Variants in SLC14A2 observed in about 807,000 individuals in gnomAD.
The protein encoded by SLC14A2 is solute carrier family 14 member 2, also known as urea transporter 2.
In SLC14A2, 91 loss-of-function variants were observed where a neutral mutation model predicts 104.6. The observed-to-expected ratio is 0.87, with a 90% CI of 0.73 to 1.04. The LOEUF (loss-of-function observed/expected upper bound fraction) is 1.04, where lower values mean the gene tolerates loss of function less well. Ranked by LOEUF, SLC14A2 falls within the 50% of genes least tolerant of loss-of-function variation. SLC14A2 has a pLI of 0.00. For missense variants in SLC14A2, 1,189 were observed against 1,156.0 expected, an observed-to-expected ratio of 1.03 and a Z score of -0.41; for synonymous variants, 476 against 466.4, an observed-to-expected ratio of 1.02 and a Z score of -0.27.
intron 2 of SLC14A2, among the ~76,000 whole-genome samples, chr18:45,576,678 C>T (rs967410187): frequency 2.0e-5 from 3 of 152,068 alleles, no homozygotes; most frequent in African/African-American, 7.2e-5. Context: ...TGTGGTCTCT[C>T]CATGTGGTCC....
chr18:45,556,046 G>A (rs539095825), intron 2 of SLC14A2, among the ~76,000 whole-genome samples: 6 of 152,238 alleles, frequency 3.9e-5, no homozygotes, highest in South Asian at 2.1e-4. Context: ...GTCCAAAATC[G>A]GGGTGCCAGC....
At chr18:45,445,807 C>G (rs955528570) in intron 1 of SLC14A2, among the ~76,000 whole-genome samples, 1 of 152,174 alleles carries the variant, frequency 6.6e-6, no homozygotes, top group Non-Finnish European at 1.5e-5. Context: ...AATATTATCC[C>G]ACTAACCTGT....
At chr18:45,477,522 TCTG>T (rs1232012666) in intron 1 of SLC14A2, among the ~76,000 whole-genome samples, 4 of 152,266 alleles carry the variant, frequency 2.6e-5, no homozygotes, top group South Asian at 4.1e-4. Flanking sequence ...TGCTGGGAGA[TCTG>T]CTGATCTCTT....
At chr18:45,266,570 C>A (rs947051129) in intron 1 of SLC14A2, among the ~76,000 whole-genome samples, 3 of 151,960 alleles carry the variant, frequency 2.0e-5, no homozygotes, top group African/African-American at 7.3e-5. Context: ...AACCTAAACT[C>A]CCTTAAAAAA....
At chr18:45,193,115 T>G in the SLC14A2 span, among the ~76,000 whole-genome samples, 2 of 152,242 alleles carry the variant, frequency 1.3e-5, no homozygotes, top group Non-Finnish European at 2.9e-5. Context: ...TTTTGAGAAT[T>G]CTTTATATAT....
chr18:45,237,173 C>T (rs1243087536), intron 1 of SLC14A2, among the ~76,000 whole-genome samples: 2 of 152,168 alleles, frequency 1.3e-5, no homozygotes, highest in Non-Finnish European at 2.9e-5. Context: ...GGCAGCTCAA[C>T]TGGGGCTCGC....
chr18:45,298,764 G>C (rs2144185193), intron 1 of SLC14A2, among the ~76,000 whole-genome samples: 1 of 152,300 alleles, frequency 6.6e-6, no homozygotes, highest in South Asian at 2.1e-4. Context: ...GATTCTCTGG[G>C]AGAGAAGGAA....
chr18:45,279,066 GCTGGCCCAGGGC>G (rs2084734293), intron 1 of SLC14A2, among the ~76,000 whole-genome samples: 1 of 152,186 alleles, frequency 6.6e-6, no homozygotes, highest in Non-Finnish European at 1.5e-5. Context: ...GCCCAGGCAT[GCTGGCCCAGGGC>G]CTGGTTCTGA....
chr18:45,681,512 C>G (rs946860819), intron 19 of SLC14A2, among the ~76,000 whole-genome samples: 4 of 152,162 alleles, frequency 2.6e-5, no homozygotes, highest in Non-Finnish European at 5.9e-5. Context: ...ACTAAAAAGC[C>G]TTAGAGCATC....
At chr18:45,463,831 G>A (rs755068896) in intron 1 of SLC14A2, among the ~76,000 whole-genome samples, 1 of 152,172 alleles carries the variant, frequency 6.6e-6, no homozygotes, top group Non-Finnish European at 1.5e-5. Flanking sequence ...CAAAAGGCTC[G>A]TTGAACATGA....
intron 1 of SLC14A2, among the ~76,000 whole-genome samples, chr18:45,293,513 TC>T (rs1387308501): frequency 1.3e-5 from 2 of 150,818 alleles, no homozygotes; most frequent in East Asian, 1.9e-4. Context: ...TCAGGCAAGG[TC>T]CCCCCGAGAA....
chr18:45,341,476 A>G (rs941634323), intron 1 of SLC14A2, among the ~76,000 whole-genome samples: 5 of 152,168 alleles, frequency 3.3e-5, no homozygotes, highest in Admixed American at 2.6e-4. Flanking sequence ...TCCTATAAAC[A>G]AATGTCTCTT....
the SLC14A2 span, among the ~76,000 whole-genome samples, chr18:45,190,777 A>G: frequency 6.6e-6 from 1 of 152,198 alleles, no homozygotes; most frequent in Non-Finnish European, 1.5e-5. Flanking sequence ...TGATCAACCA[A>G]AAATGAAGGT....
chr18:45,199,605 A>G, the SLC14A2 span, among the ~76,000 whole-genome samples: 1 of 151,968 alleles, frequency 6.6e-6, no homozygotes. Context: ...CATTATTTCT[A>G]TTTCCTTGAA....
intron 1 of SLC14A2, among the ~76,000 whole-genome samples, chr18:45,340,327 G>A (rs549941842): frequency 6.6e-6 from 1 of 152,298 alleles, no homozygotes; most frequent in South Asian, 2.1e-4. Flanking sequence ...TGCTGATGGA[G>A]GGCTTTTCTC....
At chr18:45,411,035 A>G (rs1332168883) in intron 1 of SLC14A2, among the ~76,000 whole-genome samples, 1 of 152,248 alleles carries the variant, frequency 6.6e-6, no homozygotes, top group Admixed American at 6.5e-5. Context: ...AAACACACAT[A>G]AAGCAAGATT....
intron 18 of SLC14A2, among the ~76,000 whole-genome samples, chr18:45,676,675 C>A (rs2046234631): frequency 1.3e-5 from 2 of 152,118 alleles, no homozygotes. Context: ...GGACGGCACC[C>A]CCAGAATAAG....
the SLC14A2 span, among the ~76,000 whole-genome samples, chr18:45,192,781 C>T: frequency 2.0e-5 from 3 of 151,936 alleles, no homozygotes; most frequent in South Asian, 4.2e-4. Context: ...CTCAGCCTCC[C>T]GAGTAGCTGG....
chr18:45,639,598 C>T lies in SLC14A2; in HGVS notation c.844-148C>T, dbSNP rs1422235872. 10 of 726,012 alleles carry T rather than the reference C, an allele frequency of 1.4e-5. No homozygotes were observed. In the East Asian group the frequency reaches 2.6e-4, roughly 19 times the overall value. 45.0% of individuals were successfully genotyped at this position (726,012 alleles called of 1,614,324 possible). On this transcript the variant is annotated intron_variant, in intron 6 of 19. Transcript: ENST00000255226. ...AGGAGCTGTTTGTTCCAGCTCATGC[C>T]TCCCATGTTCTCTCACATGCTGGAG...
Sources: gnomAD v4.1 joint callset for allele counts (sites outside exome capture counted in the v4.1 genomes callset) on GRCh38, gnomAD v4.1.1 for gene constraint, MANE v1.5 for transcripts, NCBI Gene and HGNC (gene_info 2026-07-23, HGNC 2026-07-21) for gene names.